The following MRRF variants were observed in gnomAD, a reference collection of about 807,000 sequenced individuals.
MRRF encodes the protein ribosome-recycling factor, mitochondrial.
MRRF carries 18 observed loss-of-function variants against 25.1 expected under a neutral mutation model. The observed-to-expected ratio is 0.72, with a 90% CI of 0.50 to 1.06. The LOEUF (loss-of-function observed/expected upper bound fraction) is 1.06. MRRF is among the 50% of genes least tolerant of loss of function. The probability of loss-of-function intolerance (pLI) is 0.00; values close to 1 mark genes in which losing one functional copy is unlikely to be tolerated. For synonymous variants in MRRF, 113 were observed against 112.1 expected (o/e 1.01, Z -0.05); for missense variants, 323 against 319.3 (o/e 1.01, Z -0.09).
Position 122,280,394 on chromosome 9 carries a change from G to T in MRRF, c.185-49G>T, listed in dbSNP as rs746816936. The stretch of plus-strand genomic sequence containing the variant: ...GTACTTCTTCACCAATTGCTTATTG[G>T]CTCTGTTTATGCTGCTGTTGTTTTA... On this transcript the variant is annotated intron_variant, in intron 2 of 6. Coordinates refer to ENST00000344641, the MANE Select transcript of MRRF (RefSeq NM_138777.5). The T allele has an allele frequency of 1.9e-6, 3 of 1,605,290 alleles. No homozygotes were observed. In the African/African-American group the frequency reaches 4.0e-5, roughly 21 times the overall value.
In MRRF at chr9:122,322,301, T is replaced by G. The variant is rs568191976; in HGVS notation, c.712-239T>G. Among the ~76,000 whole-genome samples the G allele has an allele frequency of 1.3e-4, 19 of 151,906 alleles. No individual in the cohort carries two copies. In the East Asian group the frequency reaches 3.7e-3, roughly 29 times the overall value. ...TGGCGTGAACACAGGAGGCGGAGCT[T>G]GCAGTGAGCCGAGATTGCACCACTG... On this transcript the variant is annotated intron_variant, in intron 6 of 6. Transcript: ENST00000344641.
chr9:122,310,573 G>A (rs1835141902), intron 5 of MRRF, among the ~76,000 whole-genome samples: 1 of 152,238 alleles, frequency 6.6e-6, no homozygotes, highest in South Asian at 2.1e-4. Context: ...TCCTTCCGCA[G>A]TAGATACTAG....
intron 2 of MRRF, among the ~76,000 whole-genome samples, chr9:122,274,043 C>T (rs1006251217): frequency 1.3e-5 from 2 of 152,120 alleles, no homozygotes; most frequent in African/African-American, 2.4e-5. Flanking sequence ...TTCTTCTCCC[C>T]TCCTGTCCTA....
intron 6 of MRRF, among the ~76,000 whole-genome samples, chr9:122,316,087 A>G (rs1835498325): frequency 6.6e-6 from 1 of 152,256 alleles, no homozygotes; most frequent in Non-Finnish European, 1.5e-5. Context: ...ATTTTAGTGT[A>G]GAACTTCAAG....
intron 1 of MRRF, among the ~76,000 whole-genome samples, chr9:122,269,757 G>C (rs1222049270): frequency 2.6e-5 from 4 of 151,814 alleles, no homozygotes; most frequent in African/African-American, 9.7e-5. Flanking sequence ...TTTTTTAAAA[G>C]TTTGAAAAAA....
At chr9:122,270,452 G>A (rs1001909140) in intron 1 of MRRF, among the ~76,000 whole-genome samples, 6 of 152,134 alleles carry the variant, frequency 3.9e-5, no homozygotes, top group East Asian at 3.9e-4. Flanking sequence ...CTGTTGAGAC[G>A]GTTTTCTTAT....
intron 2 of MRRF, among the ~76,000 whole-genome samples, chr9:122,273,807 T>C (rs910517699): frequency 6.6e-6 from 1 of 152,226 alleles, no homozygotes; most frequent in Non-Finnish European, 1.5e-5. Flanking sequence ...TGTGTCTGAC[T>C]TCTGTGGTAA....
rs147042829 is a variant in MRRF at position 122,272,046 on chromosome 9, A to T, written c.184+971A>T. ...TTAATAGTAATAACCTTTGATCTGT[A>T]TGTAGCATTATATTTTTTAAAGTTT... On this transcript the variant is annotated intron_variant, in intron 2 of 6. Transcript: ENST00000344641. Among the ~76,000 whole-genome samples, 628 of 152,328 alleles carry T rather than the reference A, an allele frequency of 4.1e-3. 4 individuals are homozygous for T. Among genetic ancestry groups the T allele is most frequent in the Admixed American group, 0.013 (203 of 15,304 alleles).
chr9:122,265,415 C>T (rs1194690143), intron 1 of MRRF: 7 of 268,102 alleles, frequency 2.6e-5, no homozygotes, highest in Admixed American at 9.9e-5. Flanking sequence ...TAGCCCTTCT[C>T]CATTTACTTA....
At chr9:122,312,761 C>T (rs1835286926) in intron 5 of MRRF, among the ~76,000 whole-genome samples, 1 of 152,202 alleles carries the variant, frequency 6.6e-6, no homozygotes, top group African/African-American at 2.4e-5. Flanking sequence ...ATATGGCTTC[C>T]CAGCCTCTTT....
Position 122,327,544 on chromosome 9 carries a change from ATGT to A in MRRF, c.*4932_*4934del, listed in dbSNP as rs1251498742. 2 of 152,164 alleles carry A rather than the reference ATGT, an allele frequency of 1.3e-5. No homozygotes were observed. Among genetic ancestry groups the A allele is most frequent in the Non-Finnish European group, 2.9e-5 (2 of 68,026 alleles). 9.4% of individuals were successfully genotyped at this position (152,164 alleles called of 1,614,324 possible). On this transcript the variant is annotated 3_prime_UTR_variant, in exon 7 of 7. Transcript: ENST00000344641. The stretch of plus-strand genomic sequence containing the variant: ...ATGCAGGAAATGTAGCTTATAGAGT[ATGT>A]TGTTTAGGTTTTCCATTATTTTTTG...
In MRRF at chr9:122,328,528, A is replaced by G. The variant is rs1836198757; in HGVS notation, c.*5911A>G. On this transcript the variant is annotated 3_prime_UTR_variant, in exon 7 of 7. Transcript: ENST00000344641. Reference sequence around the variant, plus strand: ...CACTGAAGCATGATGTCCTTAAAGTATATCCATATTGTAGCATGTATCAGA... The same window carrying G: ...CACTGAAGCATGATGTCCTTAAAGTGTATCCATATTGTAGCATGTATCAGA... The G allele has an allele frequency of 6.6e-6, 1 of 152,212 alleles. No homozygotes were observed. The highest frequency in any genetic ancestry group is 2.4e-5 in the African/African-American group (1 of 41,452). 9.4% of individuals were successfully genotyped at this position (152,212 alleles called of 1,614,324 possible).
chr9:122,282,361 T>C (rs1490209672), intron 3 of MRRF, among the ~76,000 whole-genome samples: 1 of 152,240 alleles, frequency 6.6e-6, no homozygotes, highest in Non-Finnish European at 1.5e-5. Flanking sequence ...CGTCAAAGCA[T>C]TATTGAGCAC....
intron 4 of MRRF, among the ~76,000 whole-genome samples, chr9:122,291,237 A>G (rs1384715800): frequency 1.3e-5 from 2 of 152,362 alleles, no homozygotes; most frequent in Non-Finnish European, 1.5e-5. Flanking sequence ...TTGCGGGAGC[A>G]TATACCAGCA....
intron 5 of MRRF, among the ~76,000 whole-genome samples, chr9:122,306,441 A>C (rs1479912476): frequency 6.6e-6 from 1 of 152,228 alleles, no homozygotes; most frequent in African/African-American, 2.4e-5. Context: ...TACACATTTG[A>C]CAGATGGAAA....
intron 4 of MRRF, among the ~76,000 whole-genome samples, chr9:122,287,484 C>G (rs768418720): frequency 6.6e-6 from 1 of 152,196 alleles, no homozygotes. Flanking sequence ...CATCTAATCC[C>G]GTAGGCACTG....
rs1020317020 is a variant in MRRF at position 122,326,384 on chromosome 9, T to TACAGGC, written c.*3769_*3774dup. 5.9e-5 allele frequency: 9 copies of TACAGGC among 152,138 alleles called. No homozygotes were observed. Among genetic ancestry groups the TACAGGC allele is most frequent in the Non-Finnish European group, 1.2e-4 (8 of 68,030 alleles). The allele number at this position is 152,138 out of a possible 1,614,324, so 9.4% of individuals were successfully genotyped here. On this transcript the variant is annotated 3_prime_UTR_variant, in exon 7 of 7. Coordinates refer to ENST00000344641, the MANE Select transcript of MRRF (RefSeq NM_138777.5). ...TCTCAGCCTCCCAAATTGCTGGGAT[T>TACAGGC]ACAGGCATGAACCACTGCGCCCGGC... is the stretch of plus-strand genomic sequence containing the variant.
intron 1 of MRRF, 176 bp from the exon 2 acceptor site, chr9:122,270,688 A>T: frequency 1.7e-6 from 1 of 587,358 alleles, no homozygotes; most frequent in Non-Finnish European, 3.0e-6. Context: ...AAAATGAGGC[A>T]AATAATATTT....
At chr9:122,322,002 C>T (rs1002500116) in intron 6 of MRRF, among the ~76,000 whole-genome samples, 5 of 152,092 alleles carry the variant, frequency 3.3e-5, no homozygotes, top group African/African-American at 1.2e-4. Context: ...CCTCAGTTTT[C>T]CTATCTGCAA....
Sources: gnomAD v4.1 joint callset for allele counts (sites outside exome capture counted in the v4.1 genomes callset) on GRCh38, gnomAD v4.1.1 for gene constraint, MANE v1.5 for transcripts, NCBI Gene and HGNC (gene_info 2026-07-23, HGNC 2026-07-21) for gene names.